The following MAP6 variants were observed in gnomAD, a reference collection of about 807,000 sequenced individuals.
MAP6 encodes the protein microtubule-associated protein 6.
A neutral mutation model predicts 42.4 loss-of-function variants in MAP6; 26 were observed. That is an observed-to-expected ratio of 0.61 (90% CI 0.45 to 0.85). The LOEUF (loss-of-function observed/expected upper bound fraction) is 0.85, where lower values mean the gene tolerates loss of function less well. MAP6 is among the 40% of genes least tolerant of loss of function. The pLI is 0.00. For synonymous variants in MAP6, 418 were observed against 443.8 expected (o/e 0.94, Z 0.73); for missense variants, 966 against 1,099.0 (o/e 0.88, Z 1.71).
intron 1 of MAP6, among the ~76,000 whole-genome samples, chr11:75,643,218 TTA>T (rs139222688): frequency 8.0e-5 from 12 of 149,186 alleles, no homozygotes; most frequent in East Asian, 1.9e-4. Context: ...TGTATGTGTT[TTA>T]TATATATATA....
intron 1 of MAP6, among the ~76,000 whole-genome samples, chr11:75,644,456 T>A (rs1183946239): frequency 6.6e-6 from 1 of 152,218 alleles, no homozygotes; most frequent in Non-Finnish European, 1.5e-5. Flanking sequence ...CAGGTACTAA[T>A]CCAAGCAGTT....
intron 1 of MAP6, among the ~76,000 whole-genome samples, chr11:75,632,047 A>T (rs1402650626): frequency 1.3e-5 from 2 of 152,188 alleles, no homozygotes; most frequent in Admixed American, 1.3e-4. Context: ...GTCTCTTTTG[A>T]TTCCTTTCAT....
intron 3 of MAP6, chr11:75,597,106 T>A (rs1229250304): frequency 6.6e-6 from 1 of 152,254 alleles, no homozygotes; most frequent in African/African-American, 2.4e-5. Flanking sequence ...GACTCTAACC[T>A]TACTGTGAGG....
At chr11:75,591,145 T>C (rs547376430) in intron 3 of MAP6, among the ~76,000 whole-genome samples, 1 of 152,244 alleles carries the variant, frequency 6.6e-6, no homozygotes, top group South Asian at 2.1e-4. Context: ...CTGAAAGATA[T>C]GACAGTTTTA....
chr11:75,653,880 C>G (rs1275931849), intron 1 of MAP6, among the ~76,000 whole-genome samples: 1 of 152,170 alleles, frequency 6.6e-6, no homozygotes, highest in Non-Finnish European at 1.5e-5. Context: ...CTCAACCCAC[C>G]AGGGACAATG....
chr11:75,657,578 C>A (rs1226087100), intron 1 of MAP6, among the ~76,000 whole-genome samples: 1 of 152,196 alleles, frequency 6.6e-6, no homozygotes, highest in Non-Finnish European at 1.5e-5. Flanking sequence ...GTGTATCAAT[C>A]TCCTATAGCT....
In MAP6 at chr11:75,667,932, G is replaced by T; in HGVS notation, c.438C>A (p.Ser146=). ...SCRPRSEYQP[S]DAPFERETQY... Reference sequence around the variant, plus strand: ...GGGTCTCGCGCTCGAAGGGAGCGTCGGAGGGCTGGTATTCGCTGCGCGGCC... The same window carrying T: ...GGGTCTCGCGCTCGAAGGGAGCGTCTGAGGGCTGGTATTCGCTGCGCGGCC... Residue 146 remains serine, a synonymous_variant, in exon 1 of 4, where the codon TCC becomes TCA. Transcript: ENST00000304771. The surrounding 1 kb of genome is among the most constrained non-coding windows in gnomAD (Gnocchi z 5.6). 1 of 1,384,792 alleles carries T rather than the reference G, an allele frequency of 7.2e-7. No homozygotes were observed. Among genetic ancestry groups the T allele is most frequent in the Non-Finnish European group, 9.4e-7 (1 of 1,063,854 alleles). The allele number at this position is 1,384,792 out of a possible 1,614,324, so 85.8% of individuals were successfully genotyped here.
chr11:75,604,267 A>G, intron 3 of MAP6: 2 of 985,880 alleles, frequency 2.0e-6, no homozygotes, highest in Non-Finnish European at 2.4e-6. Flanking sequence ...CCCCAAGGTG[A>G]CAACCAAAAT....
intron 1 of MAP6, among the ~76,000 whole-genome samples, chr11:75,655,394 C>G (rs1305094646): frequency 6.6e-6 from 1 of 152,070 alleles, no homozygotes; most frequent in Non-Finnish European, 1.5e-5. Context: ...CTTGTGAGAC[C>G]CAGTTTAGGC....
intron 1 of MAP6, among the ~76,000 whole-genome samples, chr11:75,630,571 C>G (rs1213204743): frequency 2.0e-5 from 3 of 152,130 alleles, no homozygotes; most frequent in African/African-American, 7.2e-5. Flanking sequence ...AGACTGAAGT[C>G]CAAATTTCAG....
intron 1 of MAP6, among the ~76,000 whole-genome samples, chr11:75,632,270 T>C (rs1007303488): frequency 5.3e-4 from 81 of 152,172 alleles, no homozygotes; most frequent in African/African-American, 1.9e-3. Flanking sequence ...TCCTCTGTGT[T>C]CCATTCCAAC....
At chr11:75,618,301 A>G (rs972848179) in intron 1 of MAP6, among the ~76,000 whole-genome samples, 58 of 152,266 alleles carry the variant, frequency 3.8e-4, no homozygotes, top group African/African-American at 1.4e-3. Context: ...TCTTAGAAAG[A>G]TGAAAATTAT....
intron 2 of MAP6, chr11:75,607,747 T>C: frequency 8.1e-6 from 7 of 860,568 alleles, no homozygotes; most frequent in Non-Finnish European, 9.8e-6. Context: ...CCTACAATAC[T>C]GGGCCAGCCC....
At chr11:75,624,120 C>T (rs575633524) in intron 1 of MAP6, among the ~76,000 whole-genome samples, 91 of 152,310 alleles carry the variant, frequency 6.0e-4, no homozygotes, top group African/African-American at 1.4e-3. Flanking sequence ...ATTTTACTTT[C>T]GGCAAGCTTT....
intron 1 of MAP6, among the ~76,000 whole-genome samples, chr11:75,620,022 G>C (rs527991834): frequency 5.3e-5 from 8 of 152,288 alleles, no homozygotes; most frequent in African/African-American, 1.9e-4. Flanking sequence ...TGACTGCCAT[G>C]AGATGGTATC....
intron 1 of MAP6, among the ~76,000 whole-genome samples, chr11:75,656,108 T>G (rs1273493336): frequency 1.3e-5 from 2 of 152,238 alleles, no homozygotes; most frequent in African/African-American, 4.8e-5. Context: ...TATGGTTTAA[T>G]ACGGAACAAT....
chr11:75,597,479 A>G (rs1194410152), intron 3 of MAP6, among the ~76,000 whole-genome samples: 2 of 152,266 alleles, frequency 1.3e-5, no homozygotes, highest in Non-Finnish European at 2.9e-5. Flanking sequence ...CCAAGAAGGC[A>G]AAGTCAAAGG....
chr11:75,635,105 T>C (rs1943347677), intron 1 of MAP6, among the ~76,000 whole-genome samples: 1 of 152,124 alleles, frequency 6.6e-6, no homozygotes, highest in African/African-American at 2.4e-5. Context: ...CACCCGGGTA[T>C]TGTAAAGCAA....
chr11:75,604,234 T>C, intron 3 of MAP6: 1 of 985,886 alleles, frequency 1.0e-6, no homozygotes, highest in African/African-American at 1.7e-5. Context: ...GCCGAATTAA[T>C]TTACAAAAGA....
Sources: allele counts gnomAD v4.1 joint callset (sites outside exome capture counted in the v4.1 genomes callset), GRCh38; gene constraint gnomAD v4.1.1; non-coding constraint Gnocchi (gnomAD v3.1); transcripts MANE v1.5; gene names NCBI Gene and HGNC (gene_info 2026-07-23, HGNC 2026-07-21).